CACNB2: variants seen among roughly 807,000 people sequenced by gnomAD.
The protein encoded by CACNB2 is calcium voltage-gated channel auxiliary subunit beta 2.
Under a neutral mutation model 73.3 loss-of-function variants are expected in CACNB2, and 42 were observed. The ratio of observed to expected loss-of-function variants is 0.57; its 90% CI spans 0.45 to 0.74. CACNB2 has a LOEUF of 0.74. Among genes scored for constraint, CACNB2 ranks in the 30% least tolerant of loss-of-function variants. The pLI is 0.00. For synonymous variants in CACNB2, 348 were observed against 310.3 expected (o/e 1.12, Z -1.28); for missense variants, 940 against 853.0 (o/e 1.10, Z -1.27).
At chr10:18,366,321 C>T (rs535623529) in intron 2 of CACNB2, among the ~76,000 whole-genome samples, 12 of 151,646 alleles carry the variant, frequency 7.9e-5, no homozygotes, top group Admixed American at 2.6e-4. Flanking sequence ...AAAAATTAGC[C>T]GGGCGTGGTG....
intron 3 of CACNB2, among the ~76,000 whole-genome samples, chr10:18,471,944 C>G (rs866294184): frequency 1.3e-5 from 2 of 152,188 alleles, no homozygotes; most frequent in African/African-American, 4.8e-5. Flanking sequence ...TTCTGTTTAA[C>G]TGCCTTTGGA....
At chr10:18,469,456 C>T (rs1341090462) in intron 3 of CACNB2, among the ~76,000 whole-genome samples, 1 of 152,194 alleles carries the variant, frequency 6.6e-6, no homozygotes, top group Non-Finnish European at 1.5e-5. Context: ...TGTTGGCAAG[C>T]ATGGCAGTTA....
intron 3 of CACNB2, among the ~76,000 whole-genome samples, chr10:18,444,069 G>C (rs915776785): frequency 1.3e-5 from 2 of 152,106 alleles, no homozygotes; most frequent in Non-Finnish European, 2.9e-5. Flanking sequence ...CACTCCCACT[G>C]CTCTTAAGGA....
chr10:18,152,224 C>T (rs149650627), intron 2 of CACNB2, among the ~76,000 whole-genome samples: 3 of 152,248 alleles, frequency 2.0e-5, no homozygotes, highest in African/African-American at 7.2e-5. Flanking sequence ...CCATCAGTCC[C>T]CGCTTGCAAC....
intron 3 of CACNB2, among the ~76,000 whole-genome samples, chr10:18,494,584 A>C (rs538311047): frequency 1.3e-5 from 2 of 149,978 alleles, no homozygotes; most frequent in South Asian, 4.2e-4. Flanking sequence ...GTGAGCCGAG[A>C]TCGTGCCATT....
In CACNB2 at chr10:18,428,416, G is replaced by T. The variant is rs548596706; in HGVS notation, c.333+26373G>T. Among the ~76,000 whole-genome samples the T allele has an allele frequency of 2.6e-5, 4 of 152,204 alleles. No individual in the cohort carries two copies. The South Asian group carries it at 8.3e-4, about 32-fold the overall frequency. On this transcript the variant is annotated intron_variant, in intron 3 of 13. Transcript: ENST00000324631. ...AAGAATTACTTTCTGGCCAGGCATGGTGGCTCACGCCTGTAATCCCAGCAC... is the reference window on the plus strand; with the variant it reads ...AAGAATTACTTTCTGGCCAGGCATGTTGGCTCACGCCTGTAATCCCAGCAC...
intron 2 of CACNB2, among the ~76,000 whole-genome samples, chr10:18,168,028 T>A (rs1056195549): frequency 6.6e-6 from 1 of 152,222 alleles, no homozygotes; most frequent in Non-Finnish European, 1.5e-5. Context: ...CCTCTCTATC[T>A]TAATGAGTAA....
At chr10:18,509,529 A>C (rs1317102838) in intron 6 of CACNB2, among the ~76,000 whole-genome samples, 1 of 152,132 alleles carries the variant, frequency 6.6e-6, no homozygotes, top group Non-Finnish European at 1.5e-5. Flanking sequence ...TCTCGGTGCC[A>C]TGGTCACGCC....
Position 18,465,747 on chromosome 10 carries a change from T to C in CACNB2, c.334-32608T>C, listed in dbSNP as rs1306082552. Among the ~76,000 whole-genome samples the C allele has an allele frequency of 3.3e-5, 5 of 152,050 alleles. No individual in the cohort carries two copies. In the East Asian group the frequency reaches 7.7e-4, roughly 24 times the overall value. ...ACCATGCTAGAGTGCAGTGGCATGA[T>C]TGCAGATCACTGCAACCTCTGCCTC... On this transcript the variant is annotated intron_variant, in intron 3 of 13. Transcript: ENST00000324631.
At chr10:18,168,810 A>C (rs1188994041) in intron 2 of CACNB2, among the ~76,000 whole-genome samples, 1 of 152,132 alleles carries the variant, frequency 6.6e-6, no homozygotes, top group African/African-American at 2.4e-5. Context: ...CAAATGTATT[A>C]TTTTCCCAAA....
At chr10:18,234,864 C>T (rs976062280) in intron 2 of CACNB2, among the ~76,000 whole-genome samples, 95 of 152,152 alleles carry the variant, frequency 6.2e-4, no homozygotes, top group Admixed American at 5.3e-3. Context: ...GTTAAAAGGG[C>T]CGGGCGCGGT....
At chr10:18,335,342 A>T (rs2040958734) in intron 2 of CACNB2, among the ~76,000 whole-genome samples, 1 of 152,182 alleles carries the variant, frequency 6.6e-6, no homozygotes, top group Admixed American at 6.5e-5. Flanking sequence ...TGGGACGCCA[A>T]GGTGGGCAGA....
At chr10:18,299,731 A>T (rs1184676316) in intron 2 of CACNB2, among the ~76,000 whole-genome samples, 1 of 152,178 alleles carries the variant, frequency 6.6e-6, no homozygotes, top group Non-Finnish European at 1.5e-5. Flanking sequence ...AATAAAAAAA[A>T]ACTTTCTTCA....
intron 3 of CACNB2, among the ~76,000 whole-genome samples, chr10:18,464,356 G>C (rs1320220658): frequency 7.3e-6 from 1 of 137,910 alleles, no homozygotes; most frequent in East Asian, 2.2e-4. Flanking sequence ...AGGCTGCAGT[G>C]AGCAGTGATC....
At chr10:18,392,629 A>G (rs1038681753) in intron 2 of CACNB2, among the ~76,000 whole-genome samples, 1 of 152,172 alleles carries the variant, frequency 6.6e-6, no homozygotes, top group Non-Finnish European at 1.5e-5. Flanking sequence ...AGAGAGAAAT[A>G]ATCACGTGAG....
chr10:18,497,205 C>G lies in CACNB2; in HGVS notation c.334-1150C>G, dbSNP rs1288283517. ...CCAGCCTGGGCTACAAAGTAAGACT[C>G]TGTAAAAAAAAAAAAAAAAGAAAAG... On this transcript the variant is annotated intron_variant, in intron 3 of 13. Coordinates refer to ENST00000324631, the MANE Select transcript of CACNB2 (RefSeq NM_201596.3). Among the ~76,000 whole-genome samples the G allele has an allele frequency of 1.2e-4, 11 of 92,504 alleles. No individual in the cohort carries two copies. The South Asian group carries it at 3.0e-3, about 25-fold the overall frequency. 60.7% of individuals were successfully genotyped at this position (92,504 alleles called of 152,430 possible).
At chr10:18,236,394 A>G (rs1321153913) in intron 2 of CACNB2, among the ~76,000 whole-genome samples, 1 of 152,264 alleles carries the variant, frequency 6.6e-6, no homozygotes, top group Non-Finnish European at 1.5e-5. Flanking sequence ...GGGAGATCAC[A>G]AATCCATAAA....
At chr10:18,534,638 AG>A (rs1426909560) in intron 11 of CACNB2, among the ~76,000 whole-genome samples, 1 of 152,244 alleles carries the variant, frequency 6.6e-6, no homozygotes, top group Admixed American at 6.5e-5. Flanking sequence ...ATGCTTTCGC[AG>A]TTTGAGGGGA....
At chr10:18,483,454 C>A (rs1194497037) in intron 3 of CACNB2, among the ~76,000 whole-genome samples, 1 of 150,824 alleles carries the variant, frequency 6.6e-6, no homozygotes. Context: ...TCGCTTGAAC[C>A]CGGGAGGCGG....
Sources: gnomAD v4.1 joint callset for allele counts (sites outside exome capture counted in the v4.1 genomes callset) on GRCh38, gnomAD v4.1.1 for gene constraint, MANE v1.5 for transcripts, NCBI Gene and HGNC (gene_info 2026-07-23, HGNC 2026-07-21) for gene names.